Variants in ESR1 observed in about 807,000 individuals in gnomAD.
ESR1 encodes the protein estrogen receptor 1.
In ESR1, 12 loss-of-function variants were observed where a neutral mutation model predicts 52.7. The ratio of observed to expected loss-of-function variants is 0.23; its 90% CI spans 0.15 to 0.37. ESR1 has a LOEUF of 0.37. Ranked by LOEUF, ESR1 falls within the 10% of genes least tolerant of loss-of-function variation. The pLI is 1.00. For missense variants in ESR1, 584 were observed against 779.7 expected (o/e 0.75, Z 2.99); for synonymous variants, 305 against 316.8 (o/e 0.96, Z 0.39).
chr6:152,095,252 T>A (rs188330497), intron 7 of ESR1, among the ~76,000 whole-genome samples: 55 of 152,320 alleles, frequency 3.6e-4, no homozygotes, highest in African/African-American at 1.2e-3. Context: ...CCCTTTCACT[T>A]TGTTTTTATT....
rs192302204 is a variant in ESR1, at chr6:151,976,725, A to G, written c.1096+32217A>G. Among the ~76,000 whole-genome samples, 209 of 152,274 alleles carry G rather than the reference A, an allele frequency of 1.4e-3. 2 individuals are homozygous for G. The highest frequency in any genetic ancestry group is 4.9e-3 in the African/African-American group (203 of 41,562). ...CACTGATAGAGATTAAATGATGTTTATATTAGTCATCATCACCTAATATCT... is the reference window on the plus strand; with the variant it reads ...CACTGATAGAGATTAAATGATGTTTGTATTAGTCATCATCACCTAATATCT... On this transcript the variant is annotated intron_variant, in intron 4 of 7. Transcript: ENST00000206249.
At chr6:152,096,507 A>G (rs527629715) in intron 7 of ESR1, among the ~76,000 whole-genome samples, 5 of 152,328 alleles carry the variant, frequency 3.3e-5, no homozygotes, top group South Asian at 2.1e-4. Flanking sequence ...GAAGACTTAC[A>G]TATGGTATAT....
intron 2 of ESR1, among the ~76,000 whole-genome samples, chr6:151,761,499 G>A (rs1784657335): frequency 6.6e-6 from 1 of 152,124 alleles, no homozygotes; most frequent in African/African-American, 2.4e-5. Context: ...CTGGGGAGGT[G>A]TTCAAATCCC....
chr6:151,766,449 C>G (rs1409321511), intron 2 of ESR1, among the ~76,000 whole-genome samples: 1 of 151,798 alleles, frequency 6.6e-6, no homozygotes, highest in African/African-American at 2.4e-5. Flanking sequence ...CCACTGCACT[C>G]CAACCTGGGT....
At chr6:151,992,810 A>G (rs1285868078) in intron 4 of ESR1, among the ~76,000 whole-genome samples, 4 of 152,188 alleles carry the variant, frequency 2.6e-5, no homozygotes, top group African/African-American at 9.7e-5. Context: ...CCAGTGGTAG[A>G]TAAGAGAAGC....
intron 1 of ESR1, among the ~76,000 whole-genome samples, chr6:151,823,804 TC>T (rs1176753815): frequency 2.6e-5 from 4 of 152,360 alleles, no homozygotes; most frequent in Non-Finnish European, 4.4e-5. Context: ...CATGAACTCA[TC>T]CTTTTTTATG....
rs370354859 is a variant in ESR1, at chr6:151,938,030, G to A, written c.761-6143G>A. ...TCATTCTTAATGAATTAGCACTCCC[G>A]TTTTCTTTAACATGTTGAATTTAAA... is the stretch of plus-strand genomic sequence containing the variant. On this transcript the variant is annotated intron_variant, in intron 3 of 7. Transcript: ENST00000206249. Among the ~76,000 whole-genome samples, 10 of 152,184 alleles carry A rather than the reference G, an allele frequency of 6.6e-5. No individual in the cohort carries two copies. The East Asian group carries it at 7.7e-4, about 12-fold the overall frequency.
rs555721937 is a variant in ESR1 at position 152,013,272 on chromosome 6, T to G, written c.1235+1478T>G. Among the ~76,000 whole-genome samples the G allele has an allele frequency of 2.0e-5, 3 of 152,240 alleles. No homozygotes were observed. In the South Asian group the frequency reaches 6.2e-4, roughly 32 times the overall value. On this transcript the variant is annotated intron_variant, in intron 5 of 7. Transcript: ENST00000206249. ...CTTTCTCCTGTCCTCTTAATTTTTTTGTCTTATAGCAGTGTGGTTTTGTAA... is the reference window on the plus strand; with the variant it reads ...CTTTCTCCTGTCCTCTTAATTTTTTGGTCTTATAGCAGTGTGGTTTTGTAA...
At chr6:151,783,664 C>T (rs542655801) in intron 2 of ESR1, among the ~76,000 whole-genome samples, 24 of 152,154 alleles carry the variant, frequency 1.6e-4, no homozygotes, top group Admixed American at 5.2e-4. Flanking sequence ...ACCCAGCTCC[C>T]GTATTAGTAA....
At chr6:151,994,390 A>G (rs1264984419) in intron 4 of ESR1, among the ~76,000 whole-genome samples, 2 of 152,208 alleles carry the variant, frequency 1.3e-5, no homozygotes, top group African/African-American at 4.8e-5. Context: ...AAGCTCTACT[A>G]AATTTGCAGT....
intron 6 of ESR1, among the ~76,000 whole-genome samples, chr6:152,080,422 G>T (rs1025353300): frequency 6.6e-6 from 1 of 152,084 alleles, no homozygotes; most frequent in African/African-American, 2.4e-5. Flanking sequence ...AAGTGAAGGA[G>T]AAATAAAATC....
chr6:152,088,490 G>A (rs186957062), intron 6 of ESR1, among the ~76,000 whole-genome samples: 14 of 152,316 alleles, frequency 9.2e-5, no homozygotes, highest in Admixed American at 9.2e-4. Context: ...TTGAGAAGTG[G>A]GACCTTTAAG....
chr6:152,061,215 A>G lies in ESR1; in HGVS notation c.1369+91A>G. On this transcript the variant is annotated intron_variant, in intron 6 of 7. Transcript: ENST00000206249. The surrounding 1 kb of genome is among the most constrained non-coding windows in gnomAD (Gnocchi z 4.3). ...ACGATCTACCCACTCCAAAGGCATA[A>G]TGTCATAAATAGAAAGAAACTACTG... The G allele has an allele frequency of 1.6e-6, 2 of 1,245,724 alleles. No individual in the cohort carries two copies. The highest frequency in any genetic ancestry group is 1.7e-5 in the Admixed American group (1 of 59,014). 77.2% of individuals were successfully genotyped at this position (1,245,724 alleles called of 1,614,324 possible). A position where few individuals can be genotyped will look rare whatever the true frequency, so the allele number is the denominator to read the frequency against.
At chr6:152,065,394 A>G (rs2047887361) in intron 6 of ESR1, among the ~76,000 whole-genome samples, 1 of 152,098 alleles carries the variant, frequency 6.6e-6, no homozygotes, top group South Asian at 2.1e-4. Flanking sequence ...CTGAGAATCC[A>G]CCTCTATCAG....
intron 5 of ESR1, among the ~76,000 whole-genome samples, chr6:152,040,961 G>A (rs572924500): frequency 6.6e-6 from 1 of 152,200 alleles, no homozygotes; most frequent in African/African-American, 2.4e-5. Context: ...ATGATGGAAT[G>A]CTGCTGTGCA....
At chr6:151,899,457 G>A (rs549098677) in intron 3 of ESR1, among the ~76,000 whole-genome samples, 5 of 143,470 alleles carry the variant, frequency 3.5e-5, no homozygotes, top group South Asian at 2.2e-4. Flanking sequence ...CCCGGACTGG[G>A]CAGCTGGCCA....
rs116445029 is a variant in ESR1, at chr6:151,974,274, A to G, written c.1096+29766A>G. Among the ~76,000 whole-genome samples the G allele has an allele frequency of 9.6e-3, 1,463 of 152,306 alleles. 26 individuals are homozygous for G. Among genetic ancestry groups the G allele is most frequent in the African/African-American group, 0.03 (1,246 of 41,552 alleles). Reference sequence around the variant, plus strand: ...AGAGTGGCGCCAACTCTTATTGAGTATTTGTTATGTGTCAGGCACTTGGCT... The same window carrying G: ...AGAGTGGCGCCAACTCTTATTGAGTGTTTGTTATGTGTCAGGCACTTGGCT... On this transcript the variant is annotated intron_variant, in intron 4 of 7. Coordinates refer to ENST00000206249, the MANE Select transcript of ESR1 (RefSeq NM_000125.4).
At chr6:152,017,342 C>T (rs2043242589) in intron 5 of ESR1, among the ~76,000 whole-genome samples, 1 of 152,116 alleles carries the variant, frequency 6.6e-6, no homozygotes, top group South Asian at 2.1e-4. Context: ...GTCACAATTT[C>T]CAGTTCTTCT....
intron 4 of ESR1, among the ~76,000 whole-genome samples, chr6:151,966,190 A>G (rs915814073): frequency 6.6e-6 from 1 of 152,160 alleles, no homozygotes; most frequent in Non-Finnish European, 1.5e-5. Context: ...TTTCCCCTTC[A>G]TGGCTTTGAA....
Sources: allele counts gnomAD v4.1 joint callset (sites outside exome capture counted in the v4.1 genomes callset), GRCh38; gene constraint gnomAD v4.1.1; non-coding constraint Gnocchi (gnomAD v3.1); transcripts MANE v1.5; gene names NCBI Gene and HGNC (gene_info 2026-07-23, HGNC 2026-07-21).